Variants in DOK6 observed in about 807,000 individuals in gnomAD.
DOK6 encodes the protein downstream of tyrosine kinase 6.
Under a neutral mutation model 44.0 loss-of-function variants are expected in DOK6, and 22 were observed. That is an observed-to-expected ratio of 0.50 (90% CI 0.36 to 0.71). DOK6 has a LOEUF of 0.71. Ranked by LOEUF, DOK6 falls within the 30% of genes least tolerant of loss-of-function variation. The pLI is 0.00. For synonymous variants in DOK6, 166 were observed against 145.5 expected, an observed-to-expected ratio of 1.14 and a Z score of -1.01; for missense variants, 340 against 416.4, an observed-to-expected ratio of 0.82 and a Z score of 1.60.
At chr18:69,825,349 G>A (rs77139620) in intron 7 of DOK6, among the ~76,000 whole-genome samples, 19,896 of 151,204 alleles carry the variant, frequency 0.13, 1,456 homozygotes, top group African/African-American at 0.15. Flanking sequence ...AGTGAATTTA[G>A]GAACATTAGC....
Position 69,668,569 on chromosome 18 carries a change from G to T in DOK6, c.290-9165G>T, listed in dbSNP as rs1244624791. 2.0e-5 allele frequency among the ~76,000 whole-genome samples: 3 copies of T among 152,146 alleles called. No homozygotes were observed. The East Asian group carries it at 5.8e-4, about 29-fold the overall frequency. On this transcript the variant is annotated intron_variant, in intron 3 of 7. Coordinates refer to ENST00000382713, the MANE Select transcript of DOK6 (RefSeq NM_152721.6). ...CTTCATGTTACTTTTGGGGATTGAG[G>T]TGTGGTAGGAGTTTATTTTCCTTAA...
chr18:69,811,328 G>T (rs141502449), intron 7 of DOK6, among the ~76,000 whole-genome samples: 75 of 151,880 alleles, frequency 4.9e-4, no homozygotes, highest in African/African-American at 1.7e-3. Context: ...TTGGGGAGAG[G>T]TTGGTCAAAA....
chr18:69,470,471 C>T (rs929207075), intron 1 of DOK6, among the ~76,000 whole-genome samples: 22 of 152,102 alleles, frequency 1.4e-4, no homozygotes, highest in Non-Finnish European at 2.2e-4. Context: ...CCTTCAGTGC[C>T]GGTGGCCCCC....
At chr18:69,577,880 G>T (rs933386793) in intron 2 of DOK6, among the ~76,000 whole-genome samples, 1 of 151,956 alleles carries the variant, frequency 6.6e-6, no homozygotes, top group Admixed American at 6.6e-5. Context: ...GATATCTATC[G>T]CCAATAAGAA....
intron 7 of DOK6, among the ~76,000 whole-genome samples, chr18:69,814,131 C>T (rs1568133926): frequency 6.6e-6 from 1 of 151,688 alleles, no homozygotes; most frequent in Non-Finnish European, 1.5e-5. Flanking sequence ...GGGAGGAAGT[C>T]AGAGAAAGCC....
intron 1 of DOK6, among the ~76,000 whole-genome samples, chr18:69,522,894 T>A (rs1024073807): frequency 9.9e-5 from 15 of 152,110 alleles, no homozygotes; most frequent in African/African-American, 3.6e-4. Context: ...TGCTTCTTTC[T>A]TACGAGGGTA....
intron 1 of DOK6, among the ~76,000 whole-genome samples, chr18:69,494,817 A>G (rs893570599): frequency 1.8e-4 from 28 of 152,302 alleles, no homozygotes; most frequent in African/African-American, 6.5e-4. Context: ...ATACTGTTGC[A>G]GGATCCTTGG....
rs149719064 is a variant in DOK6 at position 69,545,461 on chromosome 18, T to C, written c.67-19026T>C. 3.1e-3 allele frequency among the ~76,000 whole-genome samples: 469 copies of C among 149,444 alleles called. 4 individuals carry two copies. The highest frequency in any genetic ancestry group is 0.011 in the African/African-American group (447 of 40,864). ...GTGTGTATTTTCTCCTGGTATTTCATTGATGATCTGGTAACAAAATCAGCA... is the reference window on the plus strand; with the variant it reads ...GTGTGTATTTTCTCCTGGTATTTCACTGATGATCTGGTAACAAAATCAGCA... On this transcript the variant is annotated intron_variant, in intron 1 of 7. Coordinates refer to ENST00000382713, the MANE Select transcript of DOK6 (RefSeq NM_152721.6).
intron 3 of DOK6, among the ~76,000 whole-genome samples, chr18:69,665,066 A>G (rs958852682): frequency 1.3e-5 from 2 of 152,128 alleles, no homozygotes; most frequent in African/African-American, 4.8e-5. Context: ...CTGTAGTCCC[A>G]GCTACTCCAG....
chr18:69,636,705 G>A (rs1455997915), intron 3 of DOK6, among the ~76,000 whole-genome samples: 2 of 152,154 alleles, frequency 1.3e-5, no homozygotes, highest in African/African-American at 4.8e-5. Context: ...TCTTCTTGCA[G>A]TTACTGTATC....
intron 1 of DOK6, among the ~76,000 whole-genome samples, chr18:69,484,123 A>G (rs1021014548): frequency 2.0e-5 from 3 of 152,136 alleles, no homozygotes; most frequent in Admixed American, 6.5e-5. Context: ...CACTTAATTT[A>G]TAAATCCTAA....
intron 3 of DOK6, among the ~76,000 whole-genome samples, chr18:69,672,468 C>T (rs1051660135): frequency 6.6e-6 from 1 of 152,214 alleles, no homozygotes; most frequent in Admixed American, 6.5e-5. Context: ...AAGGGATTCT[C>T]CTGTCTCAGA....
At chr18:69,770,773 T>C (rs1337069323) in intron 7 of DOK6, among the ~76,000 whole-genome samples, 4 of 152,054 alleles carry the variant, frequency 2.6e-5, no homozygotes, top group African/African-American at 9.6e-5. Context: ...TTTCAACTTC[T>C]TTAGAAGTGT....
intron 7 of DOK6, among the ~76,000 whole-genome samples, chr18:69,807,880 A>C (rs1336388666): frequency 6.6e-6 from 1 of 151,908 alleles, no homozygotes; most frequent in Non-Finnish European, 1.5e-5. Context: ...AGCAATGGAT[A>C]GATCATCCAG....
At chr18:69,739,406 A>G (rs1392741450) in intron 6 of DOK6, among the ~76,000 whole-genome samples, 1 of 152,234 alleles carries the variant, frequency 6.6e-6, no homozygotes, top group East Asian at 1.9e-4. Flanking sequence ...ATGTCCCCAC[A>G]TACAGTTGGA....
chr18:69,734,663 A>T (rs549129339), intron 5 of DOK6, among the ~76,000 whole-genome samples: 14 of 152,322 alleles, frequency 9.2e-5, no homozygotes, highest in African/African-American at 3.4e-4. Flanking sequence ...TGGTTATTAA[A>T]TATGTACACA....
chr18:69,761,950 G>A (rs565806010), intron 7 of DOK6, among the ~76,000 whole-genome samples: 90 of 152,220 alleles, frequency 5.9e-4, no homozygotes, highest in Admixed American at 1.8e-3. Context: ...GGGGCATAAG[G>A]CAGAAGGAGA....
At chr18:69,680,697 T>C (rs1986025445) in intron 4 of DOK6, among the ~76,000 whole-genome samples, 1 of 152,200 alleles carries the variant, frequency 6.6e-6, no homozygotes, top group African/African-American at 2.4e-5. Context: ...CCCATACTTA[T>C]GATAATTCCA....
chr18:69,401,283 C>T lies in DOK6; in HGVS notation c.39C>T (p.Tyr13=). 1.3e-6 allele frequency: 2 copies of T among 1,583,956 alleles called. No individual in the cohort carries two copies. Among genetic ancestry groups the T allele is most frequent in the Non-Finnish European group, 8.6e-7 (1 of 1,165,690 alleles). The change falls in exon 1 of 8, where the codon TAC becomes TAT. Residue 13 remains tyrosine (Y), a synonymous_variant. Transcript: ENST00000382713. The stretch of plus-strand genomic sequence containing the variant: ...TTAACGACATAGTCAAGCAGGGCTA[C>T]GTGAAAATCCGCAGCAGGAAGCTTG... ...SNFNDIVKQG[Y]VKIRSRKLGI...
Sources: allele counts gnomAD v4.1 joint callset (sites outside exome capture counted in the v4.1 genomes callset), GRCh38; gene constraint gnomAD v4.1.1; transcripts MANE v1.5; gene names NCBI Gene and HGNC (gene_info 2026-07-23, HGNC 2026-07-21).